BRPF1: variants seen among roughly 807,000 people sequenced by gnomAD.
BRPF1 encodes bromodomain and PHD finger containing 1.
BRPF1 carries 15 observed loss-of-function variants against 115.0 expected under a neutral mutation model. The ratio of observed to expected loss-of-function variants is 0.13; its 90% CI spans 0.09 to 0.20. The LOEUF (loss-of-function observed/expected upper bound fraction) is 0.20, where lower values mean the gene tolerates loss of function less well. Ranked by LOEUF, BRPF1 falls within the 10% of genes least tolerant of loss-of-function variation. The pLI, the probability that BRPF1 is intolerant of heterozygous loss-of-function variation, is 1.00. For synonymous variants in BRPF1, 647 were observed against 619.8 expected, an observed-to-expected ratio of 1.04 and a Z score of -0.65; for missense variants, 1,118 against 1,638.3, an observed-to-expected ratio of 0.68 and a Z score of 5.48.
intron 2 of BRPF1, among the ~76,000 whole-genome samples, chr3:9,735,209 C>T (rs1230580113): frequency 6.6e-6 from 1 of 152,022 alleles, no homozygotes; most frequent in Non-Finnish European, 1.5e-5. Context: ...GATGGGGTTT[C>T]ACCATGTTGC....
intron 2 of BRPF1, 82 bp from the exon 3 acceptor site, chr3:9,738,917 G>C (rs1276931540): frequency 3.7e-6 from 5 of 1,352,900 alleles, no homozygotes; most frequent in Non-Finnish European, 5.0e-6. Context: ...CACAGAGTAA[G>C]TGCTCAATGG....
intron 3 of BRPF1, 60 bp downstream of exon 3, chr3:9,740,018 T>C (rs2077003193): frequency 6.7e-7 from 1 of 1,481,626 alleles, no homozygotes; most frequent in Admixed American, 2.5e-5. Context: ...GGAGAGGAGC[T>C]GGCAGCCTCC....
rs755855201 is a variant in BRPF1, at chr3:9,747,112, G to C, written c.3480-54G>C. 27 of 1,596,314 alleles carry C rather than the reference G, an allele frequency of 1.7e-5. No homozygotes were observed. The highest frequency in any genetic ancestry group is 2.1e-5 in the Non-Finnish European group (25 of 1,167,436). On this transcript the variant is annotated intron_variant, in intron 13 of 13. Transcript: ENST00000383829. This position sits in a 1 kb window ranked among gnomAD's most constrained non-coding sequence, Gnocchi z 5.6. ...GTGTTTGAGTGAATAGAGGAGGAAG[G>C]CTGGTCCTTGTTCTCCCTGAGATGA...
Position 9,738,984 on chromosome 3 carries a change from C to T in BRPF1, c.600-15C>T, listed in dbSNP as rs533658620. The T allele has an allele frequency of 6.5e-7, 1 of 1,534,496 alleles. No homozygotes were observed. Among genetic ancestry groups the T allele is most frequent in the South Asian group, 1.3e-5 (1 of 78,684 alleles). Reference sequence around the variant, plus strand: ...TCTCAACCATGTGATGCTGAGTTCCCTGTTTGTACCGTAGGTACATCGAGA... The same window carrying T: ...TCTCAACCATGTGATGCTGAGTTCCTTGTTTGTACCGTAGGTACATCGAGA... On this transcript the variant is annotated splice_polypyrimidine_tract_variant and intron_variant, in intron 2 of 13. Transcript: ENST00000383829.
chr3:9,740,947 G>C lies in BRPF1; in HGVS notation c.1722+6G>C, dbSNP rs370240712. 81 of 1,609,550 alleles carry C rather than the reference G, an allele frequency of 5.0e-5. No individual in the cohort carries two copies. The highest frequency in any genetic ancestry group is 6.4e-5 in the Non-Finnish European group (76 of 1,179,540). On this transcript the variant is annotated splice_donor_region_variant and intron_variant, in intron 4 of 13. Transcript: ENST00000383829. ...GGAACTGTGACCAAGTTGGGGTACT[G>C]TGTCCAGTTCCCTGTGGGCTCTGGG...
In BRPF1 at chr3:9,731,874, C is replaced by T. The variant is rs1461965974; in HGVS notation, c.-275C>T. 1 of 152,814 alleles carries T rather than the reference C, an allele frequency of 6.5e-6. No individual in the cohort carries two copies. Among genetic ancestry groups the T allele is most frequent in the East Asian group, 1.9e-4 (1 of 5,200 alleles). The allele number at this position is 152,814 out of a possible 1,614,324, so 9.5% of individuals were successfully genotyped here. On this transcript the variant is annotated 5_prime_UTR_variant, in exon 1 of 14. Transcript: ENST00000383829. ...AGCAGCGCCCGGTCCCGAGACCGGG[C>T]ATCTTGGGGGCTCGCGAAACGGGCG...
intron 2 of BRPF1, among the ~76,000 whole-genome samples, chr3:9,736,227 C>T (rs1437902073): frequency 2.0e-5 from 3 of 151,936 alleles, no homozygotes; most frequent in Non-Finnish European, 4.4e-5. Flanking sequence ...AGGATGGTCT[C>T]GATCTCCTGA....
rs2077083620 is a variant in BRPF1 at position 9,744,237 on chromosome 3, C to T, written c.2649C>T (p.Asn883=). The change falls in exon 9 of 14, where the codon AAC becomes AAT. Residue 883 remains asparagine, a synonymous_variant. Coordinates refer to ENST00000383829, the MANE Select transcript of BRPF1 (RefSeq NM_001003694.2). ...TCTCTGCTCCAGGCCTGGGTCCCAA[C>T]ATGTCCTCAACCCCCGCACATGAGG... ...SQETSKGLGP[N]MSSTPAHEVG... is the part of the protein sequence containing the mutation. 1 of 1,543,352 alleles carries T rather than the reference C, an allele frequency of 6.5e-7. No individual in the cohort carries two copies. Among genetic ancestry groups the T allele is most frequent in the South Asian group, 1.2e-5 (1 of 80,610 alleles).
Position 9,743,906 on chromosome 3 carries a change from G to A in BRPF1, c.2635+5G>A, listed in dbSNP as rs1180938274. ...GCAGCCAGGAGACAAGCAAAGGTCTGAATCCCATGGCAAGGTGGACCCCAA... is the reference window on the plus strand; with the variant it reads ...GCAGCCAGGAGACAAGCAAAGGTCTAAATCCCATGGCAAGGTGGACCCCAA... On this transcript the variant is annotated splice_donor_5th_base_variant and intron_variant, in intron 8 of 13. Transcript: ENST00000383829. The surrounding 1 kb of genome is among the most constrained non-coding windows in gnomAD (Gnocchi z 6.1). The A allele has an allele frequency of 1.3e-6, 2 of 1,555,982 alleles. No homozygotes were observed. The highest frequency in any genetic ancestry group is 1.7e-4 in the Middle Eastern group (1 of 5,774).
Position 9,741,292 on chromosome 3 carries a change from C to T in BRPF1, c.1723-16C>T, listed in dbSNP as rs777009625. 9.0e-6 allele frequency: 14 copies of T among 1,549,130 alleles called. No homozygotes were observed. Among genetic ancestry groups the T allele is most frequent in the South Asian group, 2.4e-5 (2 of 83,414 alleles). ...GGCTTTCTAATCATCCTCTGATCTT[C>T]GTTTTGCCTCTACAGAGAGATTCTG... On this transcript the variant is annotated splice_polypyrimidine_tract_variant and intron_variant, in intron 4 of 13. Transcript: ENST00000383829.
chr3:9,744,036 C>T, intron 8 of BRPF1, 135 bp downstream of exon 8: 1 of 1,299,048 alleles, frequency 7.7e-7, no homozygotes, highest in South Asian at 1.5e-5. Context: ...ATTCCCCAAT[C>T]AGGGGCCTCT....
chr3:9,742,452 A>T (rs1222465091), intron 6 of BRPF1: 1 of 985,414 alleles, frequency 1.0e-6, no homozygotes, highest in Non-Finnish European at 1.2e-6. Context: ...GGGGTGCTGA[A>T]CCCTAGAACG....
Position 9,734,045 on chromosome 3 carries a change from G to T in BRPF1, c.-10-86G>T, listed in dbSNP as rs913400601. 2 of 1,507,744 alleles carry T rather than the reference G, an allele frequency of 1.3e-6. No homozygotes were observed. The highest frequency in any genetic ancestry group is 1.4e-5 in the African/African-American group (1 of 71,680). 93.4% of individuals were successfully genotyped at this position (1,507,744 alleles called of 1,614,324 possible). On this transcript the variant is annotated intron_variant, in intron 1 of 13. Transcript: ENST00000383829. The surrounding 1 kb of genome is among the most constrained non-coding windows in gnomAD (Gnocchi z 5.7). ...CCAGAATCTGGTGACTCCAAGTGAGGGGGAGGGCTAGAAAGACTGGGGTCT... is the reference window on the plus strand; with the variant it reads ...CCAGAATCTGGTGACTCCAAGTGAGTGGGAGGGCTAGAAAGACTGGGGTCT...
rs762813758 is a variant in BRPF1, at chr3:9,739,830, C to G, written c.1431C>G (p.Gly477=). ...ATGAGGAGGAGGATGAGGGTAAGGG[C>G]TGGAGCTCAGAGAAAGTCAAGAAGG... ...DEDEEEDEGK[G]WSSEKVKKAK... The change falls in exon 3 of 14, where the codon GGC becomes GGG. Residue 477 remains glycine (G), a synonymous_variant. Transcript: ENST00000383829. The G allele has an allele frequency of 6.2e-7, 1 of 1,601,962 alleles. No individual in the cohort carries two copies. The highest frequency in any genetic ancestry group is 1.1e-5 in the South Asian group (1 of 89,648).
rs888265871 is a variant in BRPF1, at chr3:9,743,234, C to T, written c.2292C>T (p.Ala764=). 1.2e-6 allele frequency: 2 copies of T among 1,613,404 alleles called. No individual in the cohort carries two copies. The highest frequency in any genetic ancestry group is 1.7e-6 in the Non-Finnish European group (2 of 1,179,498). The change falls in exon 7 of 14, where the codon GCC becomes GCT. Residue 764 remains alanine (A), a synonymous_variant. Transcript: ENST00000383829. This position sits in a 1 kb window ranked among gnomAD's most constrained non-coding sequence, Gnocchi z 6.1. ...CCCACAGCCTGGCTGGAGATGAGGC[C>T]ACACACCACACTGAAGATGGTGGGT... ...HIPHSLAGDE[A]THHTEDAAEE...
rs747151437 is a variant in BRPF1, at chr3:9,743,781, G to A, written c.2515G>A (p.Gly839Ser). 1.2e-6 allele frequency: 2 copies of A among 1,614,080 alleles called. No individual in the cohort carries two copies. The highest frequency in any genetic ancestry group is 1.1e-5 in the South Asian group (1 of 91,082). ...LAHQRETGRD[G>S]PERHGPSSRG... ...CCATCAGCGAGAGACGGGACGTGATGGCCCTGAGCGGCATGGCCCCTCGAG... is the reference window on the plus strand; with the variant it reads ...CCATCAGCGAGAGACGGGACGTGATAGCCCTGAGCGGCATGGCCCCTCGAG... Residue 839 changes from glycine to serine, a missense_variant, in exon 8 of 14, where the codon GGC becomes AGC. This residue lies in a region of BRPF1 where 223 missense variants were observed against 240.7 expected (regional missense o/e 0.93). Coordinates refer to ENST00000383829, the MANE Select transcript of BRPF1 (RefSeq NM_001003694.2). The surrounding 1 kb of genome is among the most constrained non-coding windows in gnomAD (Gnocchi z 6.1).
In BRPF1 at chr3:9,746,456, TAAG is replaced by T. The variant is rs747733388; in HGVS notation, c.3479+3_3479+5del. ...CTTCTTTGACAACAAACGAACCTGGTAAGGAGGGGAGCATTTGGTGTGACTCAC... is the reference window on the plus strand; with the variant it reads ...CTTCTTTGACAACAAACGAACCTGGTGAGGGGAGCATTTGGTGTGACTCAC... On this transcript the variant is annotated splice_donor_5th_base_variant and intron_variant, in intron 13 of 13. Coordinates refer to ENST00000383829, the MANE Select transcript of BRPF1 (RefSeq NM_001003694.2). 21 of 1,568,200 alleles carry T rather than the reference TAAG, an allele frequency of 1.3e-5. No individual in the cohort carries two copies. Among genetic ancestry groups the T allele is most frequent in the African/African-American group, 2.7e-5 (2 of 73,366 alleles).
At chr3:9,742,271 A>T in intron 6 of BRPF1, 100 bp downstream of exon 6, 1 of 1,545,428 alleles carries the variant, frequency 6.5e-7, no homozygotes, top group South Asian at 1.3e-5. Flanking sequence ...CCTTGAAGAG[A>T]GGGGCTGGTG....
chr3:9,743,717 G>A lies in BRPF1; in HGVS notation c.2451G>A (p.Met817Ile). 6.2e-7 allele frequency: 1 copy of A among 1,614,198 alleles called. No individual in the cohort carries two copies. The highest frequency in any genetic ancestry group is 1.1e-5 in the South Asian group (1 of 91,082). ...TGGGCCGCTCACGGCGTGCAAAGATGATCAAGAAAGAGATGACGGCACTGC... is the reference window on the plus strand; with the variant it reads ...TGGGCCGCTCACGGCGTGCAAAGATAATCAAGAAAGAGATGACGGCACTGC... ...QSVGRSRRAK[M>I]IKKEMTALRR... The change falls in exon 8 of 14, where the codon ATG (methionine) becomes ATA (isoleucine). Residue 817 changes from methionine (M) to isoleucine (I), a missense_variant. By Grantham distance (10) the Met-to-Ile change is conservative (BLOSUM62 1). Coordinates refer to ENST00000383829, the MANE Select transcript of BRPF1 (RefSeq NM_001003694.2). This position sits in a 1 kb window ranked among gnomAD's most constrained non-coding sequence, Gnocchi z 6.1.
Sources: allele counts gnomAD v4.1 joint callset (sites outside exome capture counted in the v4.1 genomes callset), GRCh38; gene constraint gnomAD v4.1.1; regional missense constraint gnomAD v4.1.1; non-coding constraint Gnocchi (gnomAD v3.1); transcripts MANE v1.5; gene names NCBI Gene and HGNC (gene_info 2026-07-23, HGNC 2026-07-21).